The following LRFN2 variants were observed in gnomAD, a reference collection of about 807,000 sequenced individuals.
The protein encoded by LRFN2 is leucine-rich repeat and fibronectin type-III domain-containing protein 2.
LRFN2 carries 18 observed loss-of-function variants against 37.3 expected under a neutral mutation model. The ratio of observed to expected loss-of-function variants is 0.48; its 90% CI spans 0.33 to 0.72. The LOEUF is 0.72. LRFN2 is among the 30% of genes least tolerant of loss of function. The probability of loss-of-function intolerance (pLI) is 0.02; values close to 1 mark genes in which losing one functional copy is unlikely to be tolerated. For missense variants in LRFN2, 1,006 were observed against 1,060.7 expected, an observed-to-expected ratio of 0.95 and a Z score of 0.72; for synonymous variants, 556 against 466.6, an observed-to-expected ratio of 1.19 and a Z score of -2.47.
chr6:40,509,985 C>A (rs966973770), intron 1 of LRFN2, among the ~76,000 whole-genome samples: 7 of 148,970 alleles, frequency 4.7e-5, no homozygotes, highest in Middle Eastern at 3.6e-3. Flanking sequence ...CCACGGAACA[C>A]TGGGCTGTTC....
At chr6:40,538,730 C>T (rs1258748746) in intron 1 of LRFN2, among the ~76,000 whole-genome samples, 1 of 152,262 alleles carries the variant, frequency 6.6e-6, no homozygotes. Flanking sequence ...CTCAGCGCAG[C>T]CCCTCTCCAC....
chr6:40,515,321 G>A (rs980689422), intron 1 of LRFN2, among the ~76,000 whole-genome samples: 9 of 152,192 alleles, frequency 5.9e-5, no homozygotes, highest in African/African-American at 2.2e-4. Flanking sequence ...ACTGTGTGCT[G>A]ACCTGGTTCC....
In LRFN2 at chr6:40,392,033, G is replaced by A. The variant is rs749585155; in HGVS notation, c.2280C>T (p.Asn760=). Residue 760 remains asparagine, a synonymous_variant, in exon 3 of 3, where the codon AAC becomes AAT. Transcript: ENST00000338305. The surrounding 1 kb of genome is among the most constrained non-coding windows in gnomAD (Gnocchi z 4.7). The part of the protein sequence containing the change: ...NIWTKRSLSV[N]GMLLPFEESD... ...TCTCCTCAAAGGGCAAGAGCATGCC[G>A]TTGACAGAGAGGCTGCGCTTCGTCC... 2.7e-5 allele frequency: 43 copies of A among 1,613,726 alleles called. No homozygotes were observed. Among genetic ancestry groups the A allele is most frequent in the East Asian group, 2.0e-4 (9 of 44,874 alleles).
rs1195411716 is a variant in LRFN2, at chr6:40,392,301, T to C, written c.2012A>G (p.Glu671Gly). The change falls in exon 3 of 3, where the codon GAG becomes GGG. Residue 671 changes from glutamate (E) to glycine (G), a missense_variant. By Grantham distance (98) the Glu-to-Gly change is moderately conservative. Coordinates refer to ENST00000338305, the MANE Select transcript of LRFN2 (RefSeq NM_020737.3). The surrounding 1 kb of genome is among the most constrained non-coding windows in gnomAD (Gnocchi z 4.7). The stretch of plus-strand genomic sequence containing the variant: ...TGGAGTCCTGGAGTCCAGCAGCTCC[T>C]CCTTTCTCTGACTCTTGAGGTCCAG... ...ASLDLKSQRK[E>G]ELLDSRTPAG... The C allele has an allele frequency of 6.2e-7, 1 of 1,610,222 alleles. No individual in the cohort carries two copies. Among genetic ancestry groups the C allele is most frequent in the South Asian group, 1.1e-5 (1 of 90,336 alleles).
At chr6:40,442,912 G>C (rs80089172) in intron 1 of LRFN2, among the ~76,000 whole-genome samples, 5,459 of 152,282 alleles carry the variant, frequency 0.036, 259 homozygotes, top group Admixed American at 0.13. Context: ...GCTCTGAGGA[G>C]AGTCTCATTA....
chr6:40,535,684 C>G (rs1766436063), intron 1 of LRFN2, among the ~76,000 whole-genome samples: 1 of 152,166 alleles, frequency 6.6e-6, no homozygotes, highest in Non-Finnish European at 1.5e-5. Context: ...CTTAGCTGCA[C>G]AGTCTACATT....
intron 1 of LRFN2, among the ~76,000 whole-genome samples, chr6:40,514,809 A>G (rs897490188): frequency 5.9e-5 from 9 of 152,224 alleles, no homozygotes; most frequent in African/African-American, 2.2e-4. Flanking sequence ...CATAATACCT[A>G]TTAGCTTCCT....
chr6:40,493,339 G>A (rs1409215019), intron 1 of LRFN2, among the ~76,000 whole-genome samples: 2 of 152,152 alleles, frequency 1.3e-5, no homozygotes, highest in African/African-American at 4.8e-5. Context: ...ATTTGGCTGA[G>A]GAAATGGCAC....
chr6:40,503,390 G>A lies in LRFN2; in HGVS notation c.-18-70259C>T, dbSNP rs145723517. 1.5e-3 allele frequency among the ~76,000 whole-genome samples: 232 copies of A among 152,274 alleles called. 2 individuals carry two copies. Among genetic ancestry groups the A allele is most frequent in the African/African-American group, 5.4e-3 (223 of 41,558 alleles). The stretch of plus-strand genomic sequence containing the variant: ...GAGAGACTGTAGTGGGGGAGCAGAG[G>A]GAAGTGCCCACAGTGACACTTAGCT... On this transcript the variant is annotated intron_variant, in intron 1 of 2. Transcript: ENST00000338305.
intron 1 of LRFN2, among the ~76,000 whole-genome samples, chr6:40,577,978 C>T (rs1349096501): frequency 6.6e-6 from 1 of 151,966 alleles, no homozygotes; most frequent in African/African-American, 2.4e-5. Context: ...CAGAAGGTTC[C>T]CAATCCAGGT....
intron 1 of LRFN2, among the ~76,000 whole-genome samples, chr6:40,577,088 C>CTT (rs1767294811): frequency 2.0e-5 from 1 of 50,008 alleles, no homozygotes; most frequent in Non-Finnish European, 4.4e-5. Context: ...ATTTTCTTTT[C>CTT]TTTTCTTTTC....
chr6:40,519,013 GAGCA>G (rs1254080640), intron 1 of LRFN2, among the ~76,000 whole-genome samples: 3 of 152,140 alleles, frequency 2.0e-5, no homozygotes, highest in Non-Finnish European at 4.4e-5. Flanking sequence ...GGGCAGATCT[GAGCA>G]TGACCAGGGC....
chr6:40,533,198 GTC>G (rs1370257097), intron 1 of LRFN2, among the ~76,000 whole-genome samples: 1 of 151,756 alleles, frequency 6.6e-6, no homozygotes, highest in African/African-American at 2.4e-5. Context: ...TTCTCTCTCT[GTC>G]TCTTTTTCTC....
At chr6:40,393,025 G>A in intron 2 of LRFN2, 113 bp from the exon 3 acceptor site, 1 of 755,728 alleles carries the variant, frequency 1.3e-6, no homozygotes, top group East Asian at 2.8e-5. Context: ...GGGAGGGGAG[G>A]GAGGCCAAGA....
intron 1 of LRFN2, among the ~76,000 whole-genome samples, chr6:40,541,761 G>C (rs1766559265): frequency 6.6e-6 from 1 of 152,194 alleles, no homozygotes; most frequent in African/African-American, 2.4e-5. Context: ...AGAAGATGCA[G>C]GGATACATGA....
chr6:40,395,782 T>C (rs1762602571), intron 2 of LRFN2, among the ~76,000 whole-genome samples: 1 of 152,204 alleles, frequency 6.6e-6, no homozygotes, highest in East Asian at 1.9e-4. Context: ...AAAGATAACA[T>C]GGCAGAGCTG....
chr6:40,562,252 T>C (rs573898279), intron 1 of LRFN2, among the ~76,000 whole-genome samples: 3 of 152,052 alleles, frequency 2.0e-5, no homozygotes, highest in South Asian at 2.1e-4. Context: ...CAGGTAGAGA[T>C]TGGGCAGACG....
At chr6:40,477,481 A>T (rs1561871566) in intron 1 of LRFN2, among the ~76,000 whole-genome samples, 1 of 152,222 alleles carries the variant, frequency 6.6e-6, no homozygotes, top group Non-Finnish European at 1.5e-5. Context: ...TCACACAGCC[A>T]GTGGATGGCC....
intron 1 of LRFN2, among the ~76,000 whole-genome samples, chr6:40,481,178 A>G (rs6458159): frequency 0.18 from 27,483 of 151,946 alleles, 4,533 homozygotes; most frequent in African/African-American, 0.44. Flanking sequence ...TCTCACGTCT[A>G]TAATCCCAGC....
Sources: allele counts gnomAD v4.1 joint callset (sites outside exome capture counted in the v4.1 genomes callset), GRCh38; gene constraint gnomAD v4.1.1; non-coding constraint Gnocchi (gnomAD v3.1); transcripts MANE v1.5; gene names NCBI Gene and HGNC (gene_info 2026-07-23, HGNC 2026-07-21).